TMEM200A: variants seen among roughly 807,000 people sequenced by gnomAD.
TMEM200A encodes the protein two transmembrane C.
Under a neutral mutation model 24.3 loss-of-function variants are expected in TMEM200A, and 12 were observed. That is an observed-to-expected ratio of 0.49 (90% confidence interval 0.32 to 0.80). TMEM200A has a LOEUF of 0.80. TMEM200A is among the 30% of genes least tolerant of loss of function. The pLI is 0.04. For missense variants in TMEM200A, 545 were observed against 614.4 expected (o/e 0.89, Z 1.19); for synonymous variants, 224 against 224.4 (o/e 1.00, Z 0.02).
In TMEM200A at chr6:130,441,915, C is replaced by G; in HGVS notation, c.*17C>G. On this transcript the variant is annotated 3_prime_UTR_variant, in exon 3 of 3. Transcript: ENST00000296978. ...AGGTTTTAATGTTAAAAGAATATAT[C>G]ATTTTACAAGGGTATATATTTTAAA... 1.9e-6 allele frequency: 3 copies of G among 1,573,702 alleles called. No individual in the cohort carries two copies. Among genetic ancestry groups the G allele is most frequent in the Non-Finnish European group, 2.6e-6 (3 of 1,163,068 alleles).
At chr6:130,404,052 A>G (rs1779150893) in intron 2 of TMEM200A, among the ~76,000 whole-genome samples, 1 of 152,004 alleles carries the variant, frequency 6.6e-6, no homozygotes. Flanking sequence ...AATGTACCAC[A>G]TTTTCTTTAT....
intron 1 of TMEM200A, among the ~76,000 whole-genome samples, chr6:130,382,147 C>A (rs145596739): frequency 3.3e-5 from 5 of 152,254 alleles, no homozygotes; most frequent in African/African-American, 1.2e-4. Flanking sequence ...AAACCTTGGG[C>A]AAATTACTTC....
intron 2 of TMEM200A, among the ~76,000 whole-genome samples, chr6:130,418,345 A>C (rs571514149): frequency 1.2e-4 from 18 of 152,336 alleles, no homozygotes; most frequent in African/African-American, 3.8e-4. Context: ...TAATGAAAGT[A>C]AAAAGCTTTT....
intron 2 of TMEM200A, among the ~76,000 whole-genome samples, chr6:130,432,953 C>G (rs1326685547): frequency 1.3e-5 from 2 of 152,070 alleles, no homozygotes; most frequent in African/African-American, 2.4e-5. Context: ...CCTGCTAGGT[C>G]TTCTGCCTCA....
intron 2 of TMEM200A, among the ~76,000 whole-genome samples, chr6:130,432,354 G>A (rs572642956): frequency 1.3e-5 from 2 of 152,290 alleles, no homozygotes; most frequent in Admixed American, 1.3e-4. Flanking sequence ...CACAAGACAG[G>A]TCTCCGAATC....
At chr6:130,373,292 A>G (rs1238571705) in intron 1 of TMEM200A, among the ~76,000 whole-genome samples, 1 of 152,194 alleles carries the variant, frequency 6.6e-6, no homozygotes, top group African/African-American at 2.4e-5. Flanking sequence ...TCTAATCATA[A>G]AGGCGATACA....
At chr6:130,373,140 G>A (rs527370316) in intron 1 of TMEM200A, among the ~76,000 whole-genome samples, 8 of 152,290 alleles carry the variant, frequency 5.3e-5, no homozygotes, top group Admixed American at 2.6e-4. Context: ...TCTCAGTACT[G>A]TCTCTAAGCT....
At chr6:130,433,322 G>GAGAC (rs765597040) in intron 2 of TMEM200A, among the ~76,000 whole-genome samples, 10 of 152,058 alleles carry the variant, frequency 6.6e-5, no homozygotes, top group Non-Finnish European at 1.3e-4. Flanking sequence ...ATCTTTAGTA[G>GAGAC]AGACAGGGTT....
chr6:130,383,145 G>C, intron 1 of TMEM200A: 1 of 788,462 alleles, frequency 1.3e-6, no homozygotes, highest in Non-Finnish European at 1.5e-6. Flanking sequence ...GGATTCATTA[G>C]TTGTCCGTAG....
At chr6:130,395,329 G>A (rs574898915) in intron 2 of TMEM200A, among the ~76,000 whole-genome samples, 6 of 152,262 alleles carry the variant, frequency 3.9e-5, no homozygotes, top group South Asian at 4.2e-4. Context: ...TGAAGAGCCC[G>A]TGTCAAAATC....
At chr6:130,399,140 T>C (rs1779024215) in intron 2 of TMEM200A, among the ~76,000 whole-genome samples, 1 of 152,130 alleles carries the variant, frequency 6.6e-6, no homozygotes. Context: ...CAATTTCTTA[T>C]AGAAAGTCTA....
rs375041538 is a variant in TMEM200A, at chr6:130,387,554, T to C, written c.-17+2318T>C. ...TCCCAAAGTGCTGGGATTACAGGCA[T>C]GAGTCACCACACCCAGTCTGGATAG... On this transcript the variant is annotated intron_variant, in intron 2 of 2. Coordinates refer to ENST00000296978, the MANE Select transcript of TMEM200A (RefSeq NM_001258277.2). Among the ~76,000 whole-genome samples, 16 of 152,372 alleles carry C rather than the reference T, an allele frequency of 1.1e-4. 2 individuals are homozygous for C. Among genetic ancestry groups the C allele is most frequent in the African/African-American group, 1.2e-4 (5 of 41,594 alleles).
intron 2 of TMEM200A, among the ~76,000 whole-genome samples, chr6:130,425,123 A>G (rs2115191078): frequency 1.3e-5 from 2 of 152,272 alleles, no homozygotes; most frequent in Middle Eastern, 6.8e-3. Context: ...TCAGCCCAGT[A>G]AGAGCACAGA....
rs1190296733 is a variant in TMEM200A, at chr6:130,379,846, A to C, written c.-80-5327A>C. On this transcript the variant is annotated intron_variant, in intron 1 of 2. Transcript: ENST00000296978. ...GTTGATAAATAAAGCTATGGAGAGA[A>C]TAAAGATTGAGAAAAGAAGGAGGCT... Among the ~76,000 whole-genome samples the C allele has an allele frequency of 2.6e-5, 4 of 152,296 alleles. No homozygotes were observed. The East Asian group carries it at 7.7e-4, about 29-fold the overall frequency.
chr6:130,372,349 T>A (rs1057273399), intron 1 of TMEM200A, among the ~76,000 whole-genome samples: 1 of 152,156 alleles, frequency 6.6e-6, no homozygotes, highest in Non-Finnish European at 1.5e-5. Flanking sequence ...GGCAGAAAAC[T>A]TAATAATCTA....
Position 130,441,502 on chromosome 6 carries a change from G to C in TMEM200A, c.1080G>C (p.Lys360Asn). ...SIGESLSSQY[K>N]SSMALGPGAG... ...GGGAGTCGTTGTCGAGTCAGTACAA[G>C]TCATCTATGGCTCTCGGACCTGGGG... is the stretch of plus-strand genomic sequence containing the variant. The change falls in exon 3 of 3, where the codon AAG (lysine) becomes AAC (asparagine). Residue 360 changes from lysine (K) to asparagine (N), a missense_variant. Physicochemically the swap from Lys to Asn is moderately conservative, Grantham distance 94 (BLOSUM62 0). Transcript: ENST00000296978. The C allele has an allele frequency of 6.2e-7, 1 of 1,614,052 alleles. No homozygotes were observed. The highest frequency in any genetic ancestry group is 2.2e-5 in the East Asian group (1 of 44,836).
intron 2 of TMEM200A, among the ~76,000 whole-genome samples, chr6:130,393,274 G>T (rs1224445997): frequency 1.3e-5 from 2 of 152,112 alleles, no homozygotes; most frequent in Non-Finnish European, 1.5e-5. Flanking sequence ...TTCTTTAATT[G>T]TCCCTAATTT....
intron 2 of TMEM200A, chr6:130,421,067 A>G (rs996634946): frequency 6.6e-6 from 1 of 152,202 alleles, no homozygotes; most frequent in Non-Finnish European, 1.5e-5. Flanking sequence ...TCATCTGAGT[A>G]GAGGCTGCAT....
chr6:130,440,059 G>GAGAA (rs1780118065), intron 2 of TMEM200A, among the ~76,000 whole-genome samples: 1 of 136,660 alleles, frequency 7.3e-6, no homozygotes, highest in Non-Finnish European at 1.7e-5. Flanking sequence ...AGAGAGAGAA[G>GAGAA]AGAAAGAGTG....
Sources: allele counts gnomAD v4.1 joint callset (sites outside exome capture counted in the v4.1 genomes callset), GRCh38; gene constraint gnomAD v4.1.1; transcripts MANE v1.5; gene names NCBI Gene and HGNC (gene_info 2026-07-23, HGNC 2026-07-21).